KCND3: variants seen among roughly 807,000 people sequenced by gnomAD.
KCND3 encodes A-type voltage-gated potassium channel KCND3.
In KCND3, 9 loss-of-function variants were observed where a neutral mutation model predicts 51.1. The ratio of observed to expected loss-of-function variants is 0.18; its 90% CI spans 0.11 to 0.31. The LOEUF is 0.31. KCND3 is among the 10% of genes least tolerant of loss of function. KCND3 has a pLI of 1.00. For synonymous variants in KCND3, 349 were observed against 368.0 expected, an observed-to-expected ratio of 0.95 and a Z score of 0.59; for missense variants, 526 against 903.8, an observed-to-expected ratio of 0.58 and a Z score of 5.36.
chr1:111,798,548 C>T (rs1665159887), intron 2 of KCND3, among the ~76,000 whole-genome samples: 1 of 151,852 alleles, frequency 6.6e-6, no homozygotes, highest in Non-Finnish European at 1.5e-5. Context: ...TGCACGATGC[C>T]AAGTAGGGAC....
chr1:111,778,967 C>T (rs1380908696), intron 5 of KCND3, among the ~76,000 whole-genome samples: 2 of 152,182 alleles, frequency 1.3e-5, no homozygotes, highest in African/African-American at 4.8e-5. Flanking sequence ...ACACATTCCA[C>T]CCAGCACATG....
intron 2 of KCND3, among the ~76,000 whole-genome samples, chr1:111,830,502 C>T (rs565266010): frequency 1.3e-5 from 2 of 152,310 alleles, no homozygotes; most frequent in Non-Finnish European, 2.9e-5. Context: ...CCCTTGAGTG[C>T]AAAATTTAAG....
chr1:111,913,046 G>A (rs547675380), intron 2 of KCND3, among the ~76,000 whole-genome samples: 3 of 152,256 alleles, frequency 2.0e-5, no homozygotes, highest in East Asian at 1.9e-4. Flanking sequence ...GCCTCACCCA[G>A]AGCAACTTCC....
At chr1:111,857,546 G>A (rs769997705) in intron 2 of KCND3, among the ~76,000 whole-genome samples, 4 of 152,172 alleles carry the variant, frequency 2.6e-5, no homozygotes, top group Non-Finnish European at 5.9e-5. Flanking sequence ...CAGAAGAACA[G>A]TGTGGTGATT....
chr1:111,792,361 T>C (rs12135457), intron 2 of KCND3, among the ~76,000 whole-genome samples: 25,426 of 152,170 alleles, frequency 0.17, 2,241 homozygotes, highest in Admixed American at 0.22. Flanking sequence ...GCAGAACAAC[T>C]GGGGTTAGAG....
intron 2 of KCND3, among the ~76,000 whole-genome samples, chr1:111,812,538 C>T (rs1317930414): frequency 6.6e-6 from 1 of 152,222 alleles, no homozygotes; most frequent in Admixed American, 6.5e-5. Flanking sequence ...GTGCTTACTG[C>T]ATGCCAAGCA....
At chr1:111,841,868 G>A (rs1557971736) in intron 2 of KCND3, among the ~76,000 whole-genome samples, 2 of 152,194 alleles carry the variant, frequency 1.3e-5, no homozygotes, top group East Asian at 3.8e-4. Context: ...AGAGAAGAAA[G>A]AATTTAGAAG....
At chr1:111,845,791 G>A (rs1156454352) in intron 2 of KCND3, among the ~76,000 whole-genome samples, 1 of 152,202 alleles carries the variant, frequency 6.6e-6, no homozygotes, top group Non-Finnish European at 1.5e-5. Flanking sequence ...GCCAGCCTGG[G>A]ATTTGAACCT....
At chr1:111,845,561 T>A (rs1667509009) in intron 2 of KCND3, among the ~76,000 whole-genome samples, 1 of 152,034 alleles carries the variant, frequency 6.6e-6, no homozygotes, top group Non-Finnish European at 1.5e-5. Flanking sequence ...TCTCCTCCTG[T>A]TCTCAAGATT....
At chr1:111,923,129 G>A (rs1461312539) in intron 2 of KCND3, among the ~76,000 whole-genome samples, 2 of 152,166 alleles carry the variant, frequency 1.3e-5, no homozygotes, top group African/African-American at 4.8e-5. Context: ...TGGAATATAT[G>A]GCCTCTAAGG....
intron 2 of KCND3, among the ~76,000 whole-genome samples, chr1:111,867,139 G>A (rs975564151): frequency 4.6e-5 from 7 of 152,160 alleles, no homozygotes; most frequent in Admixed American, 2.0e-4. Context: ...CCAGTAAAAT[G>A]TGCTTAGAAC....
intron 2 of KCND3, among the ~76,000 whole-genome samples, chr1:111,895,924 T>G (rs1190496716): frequency 6.6e-6 from 1 of 152,226 alleles, no homozygotes; most frequent in Non-Finnish European, 1.5e-5. Context: ...GAAAGCTTGA[T>G]TCACTGCCAG....
chr1:111,888,787 A>G (rs1669689152), intron 2 of KCND3, among the ~76,000 whole-genome samples: 1 of 152,002 alleles, frequency 6.6e-6, no homozygotes, highest in South Asian at 2.1e-4. Flanking sequence ...GGCTACCGAG[A>G]GAAGGAACAA....
At chr1:111,923,621 G>A (rs1029750717) in intron 2 of KCND3, among the ~76,000 whole-genome samples, 1 of 152,120 alleles carries the variant, frequency 6.6e-6, no homozygotes, top group African/African-American at 2.4e-5. Context: ...TTTAATCTCC[G>A]GTGTTATAAC....
chr1:111,856,523 C>T (rs895147859), intron 2 of KCND3, among the ~76,000 whole-genome samples: 1 of 152,204 alleles, frequency 6.6e-6, no homozygotes, highest in African/African-American at 2.4e-5. Context: ...CCCTCCAAAC[C>T]CGGGCTTCCT....
chr1:111,916,284 C>A (rs1671214008), intron 2 of KCND3, among the ~76,000 whole-genome samples: 1 of 152,002 alleles, frequency 6.6e-6, no homozygotes, highest in Non-Finnish European at 1.5e-5. Flanking sequence ...GGAAAATCCT[C>A]AAATATTAGA....
chr1:111,923,771 G>A (rs1381140490), intron 2 of KCND3, among the ~76,000 whole-genome samples: 1 of 152,182 alleles, frequency 6.6e-6, no homozygotes, highest in Admixed American at 6.5e-5. Flanking sequence ...TGCAGCGCAG[G>A]GGCTTCGTGC....
chr1:111,806,578 C>A (rs924073627), intron 2 of KCND3, among the ~76,000 whole-genome samples: 10 of 152,288 alleles, frequency 6.6e-5, no homozygotes, highest in Non-Finnish European at 2.9e-5. Flanking sequence ...GAAGGGATAT[C>A]CACTTCCAGT....
At chr1:111,865,817 G>C (rs561303012) in intron 2 of KCND3, among the ~76,000 whole-genome samples, 4 of 152,304 alleles carry the variant, frequency 2.6e-5, no homozygotes, top group Admixed American at 2.6e-4. Flanking sequence ...TGATCCACCT[G>C]CCTCAGCCTT....
Sources: gnomAD v4.1 joint callset for allele counts (sites outside exome capture counted in the v4.1 genomes callset) on GRCh38, gnomAD v4.1.1 for gene constraint, MANE v1.5 for transcripts, NCBI Gene and HGNC (gene_info 2026-07-23, HGNC 2026-07-21) for gene names.